Variants in RADX observed in about 807,000 individuals in gnomAD.
RADX encodes the protein RPA1 related single stranded DNA binding protein, X-linked, also known as RPA-related protein RADX.
RADX carries 36 observed loss-of-function variants against 61.6 expected under a neutral mutation model. The observed-to-expected ratio is 0.58, with a 90% CI of 0.45 to 0.77. The LOEUF (loss-of-function observed/expected upper bound fraction) is 0.77, where lower values mean the gene tolerates loss of function less well. RADX is among the 30% of genes least tolerant of loss of function. RADX has a pLI of 0.00. For missense variants in RADX, 497 were observed against 651.1 expected, an observed-to-expected ratio of 0.76 and a Z score of 2.58; for synonymous variants, 272 against 237.9, an observed-to-expected ratio of 1.14 and a Z score of -1.32.
chrX:106,639,379 A>G, intron 8 of RADX, 148 bp from the exon 9 acceptor site: 1 of 435,777 alleles, frequency 2.3e-6, no homozygotes, highest in Non-Finnish European at 3.7e-6. Flanking sequence ...ACAAAATTAT[A>G]TAGAAGGATG....
intron 12 of RADX, among the ~76,000 whole-genome samples, chrX:106,667,918 A>G (rs1332464901): frequency 9.0e-6 from 1 of 111,666 alleles, no homozygotes; most frequent in Non-Finnish European, 1.9e-5. Flanking sequence ...TAGTCTTAGA[A>G]TCAAGGATAT....
intron 10 of RADX, among the ~76,000 whole-genome samples, chrX:106,644,184 A>C (rs990943973): frequency 9.0e-6 from 1 of 111,356 alleles, no homozygotes; most frequent in African/African-American, 3.3e-5. Flanking sequence ...GGAGTCTTTA[A>C]GTTTTTCCAA....
chrX:106,660,816 T>TATTA (rs1928071440), intron 11 of RADX, among the ~76,000 whole-genome samples: 1 of 112,163 alleles, frequency 8.9e-6, no homozygotes, highest in African/African-American at 3.2e-5. Flanking sequence ...TGTATACGTG[T>TATTA]ATTAGTCTGT....
chrX:106,660,984 A>C (rs1383030765), intron 11 of RADX, among the ~76,000 whole-genome samples: 1 of 111,336 alleles, frequency 9.0e-6, no homozygotes, highest in Non-Finnish European at 1.9e-5. Flanking sequence ...CAATGTGTGC[A>C]GGAAGAAATG....
chrX:106,637,638 T>C, intron 7 of RADX, 122 bp from the exon 8 acceptor site: 1 of 531,712 alleles, frequency 1.9e-6, no homozygotes, highest in African/African-American at 2.3e-5. Context: ...ACTGTTTTTT[T>C]CTTGGTGATA....
intron 10 of RADX, among the ~76,000 whole-genome samples, chrX:106,645,530 T>C (rs2147627405): frequency 8.9e-6 from 1 of 111,844 alleles, no homozygotes; most frequent in South Asian, 3.6e-4. Context: ...TTGAAGAATA[T>C]GCTGTTTAAT....
chrX:106,647,736 A>T (rs1487448845), intron 10 of RADX, among the ~76,000 whole-genome samples: 1 of 111,123 alleles, frequency 9.0e-6, no homozygotes, highest in Non-Finnish European at 1.9e-5. Flanking sequence ...GGTTTCTCTG[A>T]TGATCAGTGA....
intron 11 of RADX, among the ~76,000 whole-genome samples, chrX:106,655,552 T>C (rs770388422): frequency 9.1e-6 from 1 of 109,307 alleles, no homozygotes; most frequent in Admixed American, 9.8e-5. Context: ...CCAAGTGTTC[T>C]CATTGTTCAA....
At chrX:106,646,145 A>G (rs989755517) in intron 10 of RADX, among the ~76,000 whole-genome samples, 2 of 110,894 alleles carry the variant, frequency 1.8e-5, no homozygotes, top group Non-Finnish European at 3.8e-5. Flanking sequence ...TTTGGTTTCC[A>G]TTGACATGGA....
chrX:106,660,947 G>T (rs1252986489), intron 11 of RADX, among the ~76,000 whole-genome samples: 1 of 111,356 alleles, frequency 9.0e-6, no homozygotes, highest in East Asian at 2.9e-4. Flanking sequence ...TGCCAGGCAC[G>T]TCTTATATGG....
chrX:106,627,973 T>C (rs747490399), intron 3 of RADX, among the ~76,000 whole-genome samples: 22 of 111,426 alleles, frequency 2.0e-4, no homozygotes, highest in Non-Finnish European at 3.2e-4. Context: ...GTAGCTGGGA[T>C]TACAGGCACA....
chrX:106,643,718 C>CA (rs1334354735), intron 10 of RADX, among the ~76,000 whole-genome samples: 1 of 111,124 alleles, frequency 9.0e-6, no homozygotes, highest in Non-Finnish European at 1.9e-5. Context: ...TGATATATCA[C>CA]ATTGATTTGC....
At position 106,612,226 on chromosome X, in the gene RADX, T is replaced by C. The variant is rs771186847; in HGVS notation, c.146T>C (p.Val49Ala). Residue 49 changes from valine (V) to alanine (A), a missense_variant, in exon 1 of 14, where the codon GTT becomes GCT. By Grantham distance (64) the Val-to-Ala change is moderately conservative. Coordinates refer to ENST00000372548, the MANE Select transcript of RADX (RefSeq NM_018015.6). ...GGGCCCAGGTCCTGGATCCAAAAGG[T>C]TCTTGAGCAGATTATGGACTCACCT... The part of the protein sequence containing the change: ...SQGPRSWIQK[V>A]LEQIMDSPRQ... 6.6e-6 allele frequency: 8 copies of C among 1,210,951 alleles called. No homozygotes were observed. Among genetic ancestry groups the C allele is most frequent in the Non-Finnish European group, 8.9e-6 (8 of 895,327 alleles).
At chrX:106,630,945 T>C (rs943037842) in intron 3 of RADX, among the ~76,000 whole-genome samples, 2 of 112,086 alleles carry the variant, frequency 1.8e-5, no homozygotes, top group Middle Eastern at 4.6e-3. Context: ...AGTAATAAGA[T>C]ATTAGCAAAG....
At chrX:106,673,326 C>T (rs1204536981) in intron 13 of RADX, among the ~76,000 whole-genome samples, 2 of 110,130 alleles carry the variant, frequency 1.8e-5, no homozygotes, top group African/African-American at 6.6e-5. Context: ...GGCCCAAGGG[C>T]TCTTCAGTTA....
At chrX:106,612,852 T>G (rs1926712961) in intron 1 of RADX, 129 bp downstream of exon 1, 2 of 636,053 alleles carry the variant, frequency 3.1e-6, no homozygotes, top group Admixed American at 8.2e-5. Flanking sequence ...GTAGACAAGT[T>G]TTCTTAAATG....
chrX:106,639,116 AAG>A (rs780682944), intron 8 of RADX, among the ~76,000 whole-genome samples: 2 of 111,950 alleles, frequency 1.8e-5, no homozygotes, highest in African/African-American at 6.5e-5. Flanking sequence ...TTTGGAAAAA[AAG>A]AGAAACTTTA....
chrX:106,673,034 C>G (rs1401455300), intron 13 of RADX, among the ~76,000 whole-genome samples: 2 of 111,347 alleles, frequency 1.8e-5, no homozygotes, highest in Non-Finnish European at 1.9e-5. Context: ...GCAGTGGGCT[C>G]CCCTCTGGCC....
At chrX:106,620,432 G>T (rs1371599150) in intron 1 of RADX, among the ~76,000 whole-genome samples, 2 of 111,045 alleles carry the variant, frequency 1.8e-5, no homozygotes, top group East Asian at 5.6e-4. Flanking sequence ...CAGCACTTTG[G>T]GAGTCTGAGG....
Sources: allele counts gnomAD v4.1 joint callset (sites outside exome capture counted in the v4.1 genomes callset), GRCh38; gene constraint gnomAD v4.1.1; transcripts MANE v1.5; gene names NCBI Gene and HGNC (gene_info 2026-07-23, HGNC 2026-07-21).